SLC30A10: variants seen among roughly 807,000 people sequenced by gnomAD.
SLC30A10 encodes the protein solute carrier family 30 member 10, also known as calcium/manganese antiporter SLC30A10.
Under a neutral mutation model 21.7 loss-of-function variants are expected in SLC30A10, and 8 were observed. The observed-to-expected ratio is 0.37, with a 90% CI of 0.22 to 0.67. The LOEUF (loss-of-function observed/expected upper bound fraction) is 0.67, where lower values mean the gene tolerates loss of function less well. SLC30A10 is among the 30% of genes least tolerant of loss of function. SLC30A10 has a pLI of 0.58. For synonymous variants in SLC30A10, 272 were observed against 279.4 expected, an observed-to-expected ratio of 0.97 and a Z score of 0.26; for missense variants, 521 against 642.5, an observed-to-expected ratio of 0.81 and a Z score of 2.04.
At chr1:219,921,062 C>T (rs746127996) in intron 2 of SLC30A10, among the ~76,000 whole-genome samples, 13 of 152,124 alleles carry the variant, frequency 8.5e-5, no homozygotes, top group Admixed American at 2.6e-4. Context: ...AAACAAGCCG[C>T]GTGGAAAAGA....
intron 1 of SLC30A10, among the ~76,000 whole-genome samples, chr1:219,954,777 A>T (rs1660324066): frequency 6.6e-6 from 1 of 152,072 alleles, no homozygotes; most frequent in Non-Finnish European, 1.5e-5. Flanking sequence ...TTCTGATATA[A>T]ATGTATCATT....
At chr1:219,921,633 A>T (rs1426092319) in intron 2 of SLC30A10, among the ~76,000 whole-genome samples, 1 of 152,162 alleles carries the variant, frequency 6.6e-6, no homozygotes, top group Non-Finnish European at 1.5e-5. Flanking sequence ...ATCCTTATAT[A>T]TGACTTCTTA....
At chr1:219,921,904 T>TGTGAGAGAGAGAGAGA (rs1200596880) in intron 2 of SLC30A10, among the ~76,000 whole-genome samples, 1 of 84,702 alleles carries the variant, frequency 1.2e-5, no homozygotes, top group Admixed American at 1.2e-4. Context: ...TGTGTGTGTG[T>TGTGAGAGAGAGAGAGA]GAAAGAGAGA....
rs1196111791 is a variant in SLC30A10 at position 219,957,551 on chromosome 1, A to G, written n.80+1017T>C. Among the ~76,000 whole-genome samples, 4 of 152,318 alleles carry G rather than the reference A, an allele frequency of 2.6e-5. No individual in the cohort carries two copies. The East Asian group carries it at 7.7e-4, about 29-fold the overall frequency. On this transcript the variant is annotated intron_variant and non_coding_transcript_variant, in intron 1 of 8. Coordinates refer to the SLC30A10 transcript ENST00000484239. The stretch of plus-strand genomic sequence containing the variant: ...TGCATTGTGATTTCGAAAATAATTT[A>G]TATTTATCAAGTGCCTACTAAATAC...
intron 1 of SLC30A10, among the ~76,000 whole-genome samples, chr1:219,943,840 C>G (rs1660149625): frequency 6.6e-6 from 1 of 152,178 alleles, no homozygotes; most frequent in Admixed American, 6.5e-5. Flanking sequence ...TGGCTCACAC[C>G]TGTAATCCCA....
chr1:219,932,125 G>A (rs920573363), upstream of SLC30A10, among the ~76,000 whole-genome samples: 15 of 149,200 alleles, frequency 1.0e-4, no homozygotes, highest in African/African-American at 2.2e-4. Flanking sequence ...GTGCAATAGC[G>A]TGATCTCAGC....
At chr1:219,919,888 T>G (rs896569928) in intron 2 of SLC30A10, among the ~76,000 whole-genome samples, 1 of 152,178 alleles carries the variant, frequency 6.6e-6, no homozygotes, top group African/African-American at 2.4e-5. Flanking sequence ...TCTCTCCATG[T>G]ATTCCACAGA....
In SLC30A10 at chr1:219,927,968, A is replaced by AGCTGCTGCC. The variant is rs1211322864; in HGVS notation, c.464_472dup (p.Arg155_Gln157dup). On this transcript the variant is annotated inframe_insertion, in exon 1 of 4. Transcript: ENST00000366926. ...AGCGCCGGGGACACAGCCCTCCGCC[A>AGCTGCTGCC]GCTGCTGCCGCTGCTGCAGGCGGCG... 2.6e-6 allele frequency: 4 copies of AGCTGCTGCC among 1,547,392 alleles called. No individual in the cohort carries two copies. The South Asian group carries it at 3.6e-5, about 14-fold the overall frequency.
chr1:219,919,608 T>C (rs1659628613), intron 2 of SLC30A10, among the ~76,000 whole-genome samples: 1 of 152,012 alleles, frequency 6.6e-6, no homozygotes, highest in Non-Finnish European at 1.5e-5. Flanking sequence ...AAACCCTATC[T>C]CTACTAAAAA....
intron 2 of SLC30A10, among the ~76,000 whole-genome samples, chr1:219,922,197 T>TGG (rs1659710574): frequency 5.6e-5 from 2 of 35,510 alleles, no homozygotes; most frequent in East Asian, 1.5e-3. Flanking sequence ...TTTTTTTTTT[T>TGG]TTTTTTTTTT....
chr1:219,925,651 A>ATATATATATATATATATATATATT (rs1317554458), intron 2 of SLC30A10, among the ~76,000 whole-genome samples: 2 of 48,284 alleles, frequency 4.1e-5, no homozygotes, highest in African/African-American at 2.3e-4. Flanking sequence ...ATATATATAT[A>ATATATATATATATATATATATATT]TTTTTTTTTT....
chr1:219,917,993 G>A (rs1003568723), intron 3 of SLC30A10, among the ~76,000 whole-genome samples: 4 of 152,112 alleles, frequency 2.6e-5, no homozygotes, highest in Admixed American at 6.6e-5. Flanking sequence ...GATTACAGGC[G>A]TGAGCCACCA....
chr1:219,920,288 T>C (rs1009797929), intron 2 of SLC30A10, among the ~76,000 whole-genome samples: 1 of 152,132 alleles, frequency 6.6e-6, no homozygotes, highest in African/African-American at 2.4e-5. Flanking sequence ...GAAGGGAAAC[T>C]CAAAAATACT....
rs1659410966 is a variant in SLC30A10 at position 219,911,262 on chromosome 1, T to C, written c.*4187A>G. Among the ~76,000 whole-genome samples, 2 of 147,396 alleles carry C rather than the reference T, an allele frequency of 1.4e-5. No individual in the cohort carries two copies. Among genetic ancestry groups the C allele is most frequent in the Non-Finnish European group, 3.0e-5 (2 of 67,306 alleles). ...ATGTATTTTGCTCTCTTGAAGAAAA[T>C]AGATATGATTTGGCAAAGGATAAAA... On this transcript the variant is annotated 3_prime_UTR_variant, in exon 4 of 4. Transcript: ENST00000366926.
intron 3 of SLC30A10, among the ~76,000 whole-genome samples, chr1:219,916,774 A>G (rs533116289): frequency 2.0e-5 from 3 of 152,322 alleles, no homozygotes; most frequent in African/African-American, 7.2e-5. Flanking sequence ...TACTAACTGC[A>G]TGACGTTAGG....
intron 2 of SLC30A10, among the ~76,000 whole-genome samples, chr1:219,925,750 G>T (rs1028249145): frequency 7.0e-6 from 1 of 143,834 alleles, no homozygotes; most frequent in African/African-American, 2.6e-5. Context: ...CCACCTCTGG[G>T]GTTCAAGCAA....
intron 1 of SLC30A10, among the ~76,000 whole-genome samples, chr1:219,936,914 ATTCAAATTGATT>A (rs1167751829): frequency 6.6e-6 from 1 of 152,218 alleles, no homozygotes; most frequent in Non-Finnish European, 1.5e-5. Flanking sequence ...ACAGTTCTAT[ATTCAAATTGATT>A]TGATGCTCAC....
At chr1:219,921,921 C>CAGAG (rs57806725) in intron 2 of SLC30A10, among the ~76,000 whole-genome samples, 45,159 of 137,738 alleles carry the variant, frequency 0.33, 7,533 homozygotes, top group African/African-American at 0.37. Context: ...GAGAGAGAGA[C>CAGAG]AGAGAGAGAG....
At chr1:219,922,040 A>C (rs1334511876) in intron 2 of SLC30A10, among the ~76,000 whole-genome samples, 1 of 151,778 alleles carries the variant, frequency 6.6e-6, no homozygotes, top group African/African-American at 2.4e-5. Context: ...TCCAACTTCG[A>C]ACTCTTGGGC....
Sources: gnomAD v4.1 joint callset for allele counts (sites outside exome capture counted in the v4.1 genomes callset) on GRCh38, gnomAD v4.1.1 for gene constraint, MANE v1.5 for transcripts, NCBI Gene and HGNC (gene_info 2026-07-23, HGNC 2026-07-21) for gene names.